ANKRD30BL: variants seen among roughly 807,000 people sequenced by gnomAD.
ANKRD30BL encodes the protein putative ankyrin repeat domain-containing protein 30B-like.
Under a neutral mutation model 18.4 loss-of-function variants are expected in ANKRD30BL, and 20 were observed. That is an observed-to-expected ratio of 1.09 (90% CI 0.77 to 1.58). The LOEUF (loss-of-function observed/expected upper bound fraction) is 1.58, where lower values mean the gene tolerates loss of function less well. Among genes scored for constraint, ANKRD30BL ranks in the 40% most tolerant of loss-of-function variants. ANKRD30BL has a pLI of 0.00. For missense variants in ANKRD30BL, 224 were observed against 268.6 expected, an observed-to-expected ratio of 0.83 and a Z score of 1.16; for synonymous variants, 72 against 100.9, an observed-to-expected ratio of 0.71 and a Z score of 1.72.
chr2:132,257,169 C>T lies in ANKRD30BL; in HGVS notation n.441+360G>A, dbSNP rs530093072. On this transcript the variant is annotated intron_variant and non_coding_transcript_variant, in intron 1 of 4. Coordinates refer to the ANKRD30BL transcript ENST00000470729. Reference sequence around the variant, plus strand: ...AACCTAACGCCAGGGCCACGTTGCTCGTTTCTCATCCATCCTCCAACCCGG... The same window carrying T: ...AACCTAACGCCAGGGCCACGTTGCTTGTTTCTCATCCATCCTCCAACCCGG... The T allele has an allele frequency of 4.5e-4, 200 of 445,560 alleles. 1 individual carries two copies. The highest frequency in any genetic ancestry group is 3.5e-3 in the African/African-American group (172 of 48,588). The allele number at this position is 445,560 out of a possible 1,614,324, so 27.6% of individuals were successfully genotyped here. A position where few individuals can be genotyped will look rare whatever the true frequency, so the allele number is the denominator to read the frequency against.
chr2:132,155,602 A>G (rs28531772), intron 3 of ANKRD30BL: 44,078 of 152,048 alleles, frequency 0.29, 10,107 homozygotes, highest in African/African-American at 0.62. Flanking sequence ...TCGGCTATTA[A>G]AAATTCAGTA....
intron 1 of ANKRD30BL, among the ~76,000 whole-genome samples, chr2:132,213,028 A>G (rs1335434049): frequency 1.3e-5 from 2 of 151,588 alleles, no homozygotes; most frequent in Non-Finnish European, 3.0e-5. Flanking sequence ...TTCATGATGT[A>G]TGCATTCATC....
intron 1 of ANKRD30BL, among the ~76,000 whole-genome samples, chr2:132,180,364 A>G (rs188451565): frequency 1.3e-5 from 2 of 152,262 alleles, no homozygotes; most frequent in African/African-American, 4.8e-5. Flanking sequence ...ATACTCTACC[A>G]TATACTCTAA....
chr2:132,230,399 T>C (rs894142984), intron 1 of ANKRD30BL, among the ~76,000 whole-genome samples: 2 of 152,066 alleles, frequency 1.3e-5, no homozygotes, highest in Non-Finnish European at 2.9e-5. Flanking sequence ...AGAGCAGTTT[T>C]GAAACACTCT....
chr2:132,182,571 G>C (rs1271105496), intron 1 of ANKRD30BL, among the ~76,000 whole-genome samples: 2 of 152,158 alleles, frequency 1.3e-5, no homozygotes, highest in African/African-American at 4.8e-5. Flanking sequence ...TGGAAGCTCA[G>C]CTTAATAATG....
In ANKRD30BL at chr2:132,212,615, A is replaced by G. The variant is rs533665330; in HGVS notation, n.441+44914T>C. On this transcript the variant is annotated intron_variant and non_coding_transcript_variant, in intron 1 of 4. Transcript: ENST00000470729. Reference sequence around the variant, plus strand: ...GCTAGTGGACAATTGGAGTGCTTTGAGGCCTATGGGGGAAAACAATCTTCA... The same window carrying G: ...GCTAGTGGACAATTGGAGTGCTTTGGGGCCTATGGGGGAAAACAATCTTCA... 2.0e-5 allele frequency among the ~76,000 whole-genome samples: 3 copies of G among 151,894 alleles called. No homozygotes were observed. In the South Asian group the frequency reaches 6.2e-4, roughly 31 times the overall value.
intron 1 of ANKRD30BL, among the ~76,000 whole-genome samples, chr2:132,250,651 C>T (rs1045616685): frequency 1.3e-5 from 2 of 152,198 alleles, no homozygotes; most frequent in South Asian, 2.1e-4. Flanking sequence ...AAACAAAACA[C>T]AGCTAAGGTG....
intron 1 of ANKRD30BL, among the ~76,000 whole-genome samples, chr2:132,218,191 C>T (rs1480999104): frequency 6.6e-6 from 1 of 152,092 alleles, no homozygotes; most frequent in Non-Finnish European, 1.5e-5. Flanking sequence ...CAGAGTTGAA[C>T]GTTTCTTTTG....
At chr2:132,187,734 A>G (rs1282588553) in intron 1 of ANKRD30BL, among the ~76,000 whole-genome samples, 1 of 152,004 alleles carries the variant, frequency 6.6e-6, no homozygotes, top group Non-Finnish European at 1.5e-5. Flanking sequence ...CTACTTAAAC[A>G]TAAAATTCCC....
At chr2:132,186,324 T>G (rs540925359) in intron 1 of ANKRD30BL, among the ~76,000 whole-genome samples, 66 of 152,282 alleles carry the variant, frequency 4.3e-4, no homozygotes, top group Non-Finnish European at 8.4e-4. Flanking sequence ...TTATGTTATG[T>G]TAGCAGGATA....
chr2:132,188,911 A>G (rs1195024316), intron 1 of ANKRD30BL, among the ~76,000 whole-genome samples: 1 of 152,158 alleles, frequency 6.6e-6, no homozygotes, highest in East Asian at 1.9e-4. Context: ...CTAAGACGTC[A>G]TTGTCCTGGA....
At chr2:132,201,681 T>G (rs1404412841) in intron 1 of ANKRD30BL, among the ~76,000 whole-genome samples, 1 of 152,178 alleles carries the variant, frequency 6.6e-6, no homozygotes, top group Admixed American at 6.5e-5. Flanking sequence ...GGAACACTTT[T>G]ACACTGTTGG....
At chr2:132,175,115 G>C (rs1238898466) in intron 1 of ANKRD30BL, among the ~76,000 whole-genome samples, 2 of 152,176 alleles carry the variant, frequency 1.3e-5, no homozygotes, top group Admixed American at 6.5e-5. Context: ...TCAAAGTATA[G>C]AGAAAGAAAA....
chr2:132,205,816 A>C lies in ANKRD30BL; in HGVS notation n.442-48670T>G, dbSNP rs1321430086. Among the ~76,000 whole-genome samples the C allele has an allele frequency of 2.0e-5, 3 of 152,028 alleles. No individual in the cohort carries two copies. The East Asian group carries it at 5.8e-4, about 29-fold the overall frequency. On this transcript the variant is annotated intron_variant and non_coding_transcript_variant, in intron 1 of 4. Transcript: ENST00000470729. Reference sequence around the variant, plus strand: ...ATGTATTATAGGGAATTCATTTATAACTTCAAAAATACCACTCAAAAAAGA... The same window carrying C: ...ATGTATTATAGGGAATTCATTTATACCTTCAAAAATACCACTCAAAAAAGA...
chr2:132,203,493 G>T (rs993545276), intron 1 of ANKRD30BL, among the ~76,000 whole-genome samples: 9 of 151,908 alleles, frequency 5.9e-5, no homozygotes, highest in African/African-American at 1.9e-4. Flanking sequence ...ACTGAGAGAA[G>T]AAAAAAATTT....
chr2:132,226,408 C>T lies in ANKRD30BL; in HGVS notation n.441+31121G>A, dbSNP rs538455416. On this transcript the variant is annotated intron_variant and non_coding_transcript_variant, in intron 1 of 4. Coordinates refer to the ANKRD30BL transcript ENST00000470729. ...GAAACTTCTTTGTGATGTGTGCATTCTTCTCACAGAGTTGAAACTTCCTTT... is the reference window on the plus strand; with the variant it reads ...GAAACTTCTTTGTGATGTGTGCATTTTTCTCACAGAGTTGAAACTTCCTTT... Among the ~76,000 whole-genome samples, 93 of 150,680 alleles carry T rather than the reference C, an allele frequency of 6.2e-4. 1 individual carries two copies. The highest frequency in any genetic ancestry group is 3.4e-3 in the Middle Eastern group (1 of 294).
intron 1 of ANKRD30BL, among the ~76,000 whole-genome samples, chr2:132,220,424 G>A: frequency 6.6e-6 from 1 of 151,350 alleles, no homozygotes; most frequent in East Asian, 2.0e-4. Context: ...GCCAAAGCTG[G>A]ACTGTACTGC....
At chr2:132,216,663 G>A (rs1328746454) in intron 1 of ANKRD30BL, among the ~76,000 whole-genome samples, 1 of 151,882 alleles carries the variant, frequency 6.6e-6, no homozygotes, top group Non-Finnish European at 1.5e-5. Context: ...GACCTTTGGA[G>A]CGCCTTGAGG....
intron 1 of ANKRD30BL, among the ~76,000 whole-genome samples, chr2:132,203,160 C>A (rs1166687741): frequency 6.6e-6 from 1 of 152,290 alleles, no homozygotes; most frequent in African/African-American, 2.4e-5. Context: ...ATGTTCTAGA[C>A]CAAGGGGTAG....
Sources: gnomAD v4.1 joint callset for allele counts (sites outside exome capture counted in the v4.1 genomes callset) on GRCh38, gnomAD v4.1.1 for gene constraint, MANE v1.5 for transcripts, NCBI Gene and HGNC (gene_info 2026-07-23, HGNC 2026-07-21) for gene names.